Variants in SNRK observed in about 807,000 individuals in gnomAD.
SNRK encodes SNF related kinase.
In SNRK, 3 loss-of-function variants were observed where a neutral mutation model predicts 48.2. The ratio of observed to expected loss-of-function variants is 0.06; its 90% CI spans 0.03 to 0.16. SNRK has a LOEUF of 0.16. Ranked by LOEUF, SNRK falls within the 10% of genes least tolerant of loss-of-function variation. The probability of loss-of-function intolerance (pLI) is 1.00; values close to 1 mark genes in which losing one functional copy is unlikely to be tolerated. For missense variants in SNRK, 627 were observed against 976.0 expected, an observed-to-expected ratio of 0.64 and a Z score of 4.76; for synonymous variants, 376 against 366.1, an observed-to-expected ratio of 1.03 and a Z score of -0.31.
intron 3 of SNRK, among the ~76,000 whole-genome samples, chr3:43,314,246 A>C (rs2090999115): frequency 6.6e-6 from 1 of 152,206 alleles, no homozygotes; most frequent in Non-Finnish European, 1.5e-5. Context: ...GGATATAGAC[A>C]TATCTTAGAA....
At chr3:43,318,014 C>T (rs943123062) in intron 3 of SNRK, among the ~76,000 whole-genome samples, 8 of 152,208 alleles carry the variant, frequency 5.3e-5, no homozygotes, top group East Asian at 3.8e-4. Flanking sequence ...CTTTGGGAAA[C>T]GTCATGGGAT....
At chr3:43,321,820 T>G (rs762147075) in intron 3 of SNRK, among the ~76,000 whole-genome samples, 25 of 152,206 alleles carry the variant, frequency 1.6e-4, no homozygotes, top group Non-Finnish European at 3.4e-4. Flanking sequence ...AAGGGGAATC[T>G]TTGATGGAAG....
At chr3:43,288,538 A>G (rs1017364345) in intron 1 of SNRK, among the ~76,000 whole-genome samples, 6 of 152,200 alleles carry the variant, frequency 3.9e-5, no homozygotes, top group African/African-American at 1.4e-4. Flanking sequence ...AATACTGTTC[A>G]TCTGAACTTC....
intron 1 of SNRK, among the ~76,000 whole-genome samples, chr3:43,294,465 A>G (rs1351235391): frequency 6.6e-6 from 1 of 152,222 alleles, no homozygotes; most frequent in African/African-American, 2.4e-5. Flanking sequence ...CTCAAAAACT[A>G]ATAGAAACTG....
At chr3:43,288,282 T>C (rs1348006437) in intron 1 of SNRK, among the ~76,000 whole-genome samples, 1 of 152,230 alleles carries the variant, frequency 6.6e-6, no homozygotes, top group African/African-American at 2.4e-5. Context: ...GTTCATTTTG[T>C]GCACAAAAAT....
At chr3:43,306,537 C>G (rs1268130805) in intron 3 of SNRK, among the ~76,000 whole-genome samples, 1 of 151,374 alleles carries the variant, frequency 6.6e-6, no homozygotes, top group Non-Finnish European at 1.5e-5. Flanking sequence ...TTTTTTCTTT[C>G]ATCTTTATTC....
rs186377159 is a variant in SNRK at position 43,334,775 on chromosome 3, G to T, written c.731+2465G>T. Among the ~76,000 whole-genome samples the T allele has an allele frequency of 5.5e-4, 83 of 152,126 alleles. 1 individual carries two copies. Among genetic ancestry groups the T allele is most frequent in the Non-Finnish European group, 7.4e-5 (5 of 67,990 alleles). ...TGCCCAGCTAATGTTTGTATTTTTA[G>T]TAAAGGCAAGGTTTTAACATGTTGG... On this transcript the variant is annotated intron_variant, in intron 4 of 6. Transcript: ENST00000296088.
intron 3 of SNRK, 81 bp from the exon 4 acceptor site, chr3:43,332,087 TA>T: frequency 9.0e-7 from 1 of 1,110,234 alleles, no homozygotes; most frequent in Non-Finnish European, 1.2e-6. Flanking sequence ...CTGCTCAAGA[TA>T]AAATAATATT....
chr3:43,309,296 C>T, intron 3 of SNRK, among the ~76,000 whole-genome samples: 1 of 152,036 alleles, frequency 6.6e-6, no homozygotes, highest in East Asian at 1.9e-4. Context: ...ATTATGTAAA[C>T]TTACATAGTA....
intron 4 of SNRK, among the ~76,000 whole-genome samples, chr3:43,337,997 G>A (rs1016135949): frequency 2.0e-5 from 3 of 152,122 alleles, no homozygotes; most frequent in South Asian, 4.1e-4. Flanking sequence ...CAGTCCCTCC[G>A]CCTCAGCCTT....
rs2091308899 is a variant in SNRK at position 43,349,773 on chromosome 3, G to C, written c.*1216G>C. The C allele has an allele frequency of 6.6e-6, 1 of 152,108 alleles. No homozygotes were observed. Among genetic ancestry groups the C allele is most frequent in the Non-Finnish European group, 1.5e-5 (1 of 68,028 alleles). The allele number at this position is 152,108 out of a possible 1,614,324, so 9.4% of individuals were successfully genotyped here. ...TTTTGACCAGATAATCATCTGTTGT[G>C]GCATTCTATCTTGTAGGACACTGTA... On this transcript the variant is annotated 3_prime_UTR_variant, in exon 7 of 7. Transcript: ENST00000296088.
chr3:43,344,443 A>G (rs150145927), intron 6 of SNRK, among the ~76,000 whole-genome samples: 13 of 152,292 alleles, frequency 8.5e-5, no homozygotes, highest in African/African-American at 3.1e-4. Context: ...GTGTGTGAAT[A>G]TTATTGTGAA....
intron 3 of SNRK, among the ~76,000 whole-genome samples, chr3:43,327,278 A>G (rs990469270): frequency 6.6e-6 from 1 of 152,206 alleles, no homozygotes; most frequent in Non-Finnish European, 1.5e-5. Flanking sequence ...AACTCCTGGG[A>G]CCTACACACT....
At chr3:43,319,045 G>A (rs937127332) in intron 3 of SNRK, among the ~76,000 whole-genome samples, 3 of 147,804 alleles carry the variant, frequency 2.0e-5, no homozygotes, top group Non-Finnish European at 3.0e-5. Context: ...AAAAAAAAAA[G>A]AATCAGTTTG....
chr3:43,296,244 C>T (rs1042583075), intron 1 of SNRK, among the ~76,000 whole-genome samples: 8 of 151,586 alleles, frequency 5.3e-5, no homozygotes, highest in African/African-American at 1.7e-4. Context: ...GTTGGTTTTT[C>T]TATAGATGTA....
intron 4 of SNRK, among the ~76,000 whole-genome samples, chr3:43,337,532 G>A (rs2091200997): frequency 1.3e-5 from 2 of 151,986 alleles, no homozygotes; most frequent in South Asian, 4.2e-4. Context: ...AAGTAGCTGG[G>A]ACCACAGGTG....
At chr3:43,309,851 G>GTTGT (rs986909513) in intron 3 of SNRK, among the ~76,000 whole-genome samples, 1 of 151,834 alleles carries the variant, frequency 6.6e-6, no homozygotes, top group Non-Finnish European at 1.5e-5. Context: ...AGTTTTTTTT[G>GTTGT]TTGTTTGTTT....
intron 1 of SNRK, among the ~76,000 whole-genome samples, chr3:43,288,636 C>G (rs1230134747): frequency 6.6e-6 from 1 of 152,118 alleles, no homozygotes. Context: ...GTTCTAAGTA[C>G]TGGTATAAAT....
intron 2 of SNRK, among the ~76,000 whole-genome samples, chr3:43,302,810 T>C (rs2090907922): frequency 6.6e-6 from 1 of 152,194 alleles, no homozygotes; most frequent in East Asian, 1.9e-4. Flanking sequence ...TTAAACATGC[T>C]TATCAAACTT....
Sources: gnomAD v4.1 joint callset for allele counts (sites outside exome capture counted in the v4.1 genomes callset) on GRCh38, gnomAD v4.1.1 for gene constraint, MANE v1.5 for transcripts, NCBI Gene and HGNC (gene_info 2026-07-23, HGNC 2026-07-21) for gene names.